LDLRAD2: variants seen among roughly 807,000 people sequenced by gnomAD.
LDLRAD2 encodes low density lipoprotein receptor class A domain containing 2.
In LDLRAD2, 25 loss-of-function variants were observed where a neutral mutation model predicts 24.9. The observed-to-expected ratio is 1.00, with a 90% confidence interval of 0.73 to 1.40. The LOEUF (loss-of-function observed/expected upper bound fraction) is 1.40, where lower values mean the gene tolerates loss of function less well. Among genes scored for constraint, LDLRAD2 ranks in the 40% most tolerant of loss-of-function variants. LDLRAD2 has a pLI of 0.00. For missense variants in LDLRAD2, 391 were observed against 366.2 expected (o/e 1.07, Z -0.55); for synonymous variants, 182 against 166.7 (o/e 1.09, Z -0.71).
intron 3 of LDLRAD2, among the ~76,000 whole-genome samples, chr1:21,818,876 C>A (rs1198706939): frequency 7.5e-6 from 1 of 132,828 alleles, no homozygotes; most frequent in Non-Finnish European, 1.6e-5. Flanking sequence ...CCCCGCCCCC[C>A]GCCCCACCCC....
chr1:21,812,440 A>C lies in LDLRAD2; in HGVS notation c.-12A>C, dbSNP rs1484211743. ...GTGGGTCTGCCCCATTGCTGGGCAC[A>C]GCAGAGCCTGGATGGAGGCTTGTTG... is the stretch of plus-strand genomic sequence containing the variant. On this transcript the variant is annotated 5_prime_UTR_variant, in exon 1 of 5. Transcript: ENST00000344642. 9.3e-6 allele frequency: 15 copies of C among 1,612,566 alleles called. No individual in the cohort carries two copies. The highest frequency in any genetic ancestry group is 9.3e-6 in the Non-Finnish European group (11 of 1,178,782).
chr1:21,817,541 G>C (rs746946839), intron 3 of LDLRAD2, among the ~76,000 whole-genome samples: 1 of 152,060 alleles, frequency 6.6e-6, no homozygotes, highest in Non-Finnish European at 1.5e-5. Context: ...AGGTCTCACT[G>C]TATTGCAAGG....
chr1:21,814,303 G>C, intron 1 of LDLRAD2, 95 bp from the exon 2 acceptor site: 2 of 1,001,890 alleles, frequency 2.0e-6, no homozygotes, highest in South Asian at 1.7e-5. Context: ...CTCAGAGAGG[G>C]CGAGTAACTC....
chr1:21,819,766 C>T (rs1457575598), intron 3 of LDLRAD2, among the ~76,000 whole-genome samples: 1 of 151,890 alleles, frequency 6.6e-6, no homozygotes, highest in African/African-American at 2.4e-5. Context: ...AGTCCATTCT[C>T]GCATTGCTAT....
At chr1:21,814,150 G>T (rs1352818766) in intron 1 of LDLRAD2, among the ~76,000 whole-genome samples, 1 of 152,180 alleles carries the variant, frequency 6.6e-6, no homozygotes, top group Admixed American at 6.5e-5. Flanking sequence ...GATTACAGGC[G>T]TGAGCCACTG....
rs760393137 is a variant in LDLRAD2, at chr1:21,824,747, C to T, written c.*2532C>T. ...CCAGGGAAGGCGAGGAAGCCATCAT[C>T]GTGGAAATAGGCTCCGTACTGCCCA... On this transcript the variant is annotated 3_prime_UTR_variant, in exon 5 of 5. Coordinates refer to ENST00000344642, the MANE Select transcript of LDLRAD2 (RefSeq NM_001013693.3). This position sits in a 1 kb window ranked among gnomAD's most constrained non-coding sequence, Gnocchi z 5.9. The T allele has an allele frequency of 8.1e-6, 13 of 1,613,432 alleles. No homozygotes were observed. Among genetic ancestry groups the T allele is most frequent in the East Asian group, 6.7e-5 (3 of 44,900 alleles).
In LDLRAD2 at chr1:21,824,827, A is replaced by G. The variant is rs1296369421; in HGVS notation, c.*2612A>G. 1.3e-5 allele frequency: 20 copies of G among 1,535,960 alleles called. No individual in the cohort carries two copies. The highest frequency in any genetic ancestry group is 1.7e-5 in the Non-Finnish European group (19 of 1,122,598). On this transcript the variant is annotated 3_prime_UTR_variant, in exon 5 of 5. Coordinates refer to ENST00000344642, the MANE Select transcript of LDLRAD2 (RefSeq NM_001013693.3). This position sits in a 1 kb window ranked among gnomAD's most constrained non-coding sequence, Gnocchi z 5.9. ...GCCATACCTGCTGCATCAGGCATCA[A>G]AATCCCCCGTCAGTTCCCCTGACCC...
Position 21,823,162 on chromosome 1 carries a change from G to T in LDLRAD2, c.*947G>T. 2 of 710,034 alleles carry T rather than the reference G, an allele frequency of 2.8e-6. No homozygotes were observed. The highest frequency in any genetic ancestry group is 4.3e-6 in the Non-Finnish European group (2 of 465,662). The allele number at this position is 710,034 out of a possible 1,614,324, so 44.0% of individuals were successfully genotyped here. On this transcript the variant is annotated 3_prime_UTR_variant, in exon 5 of 5. Transcript: ENST00000344642. ...TTTGCCCAGCTGTGTGTGTGAGGGT[G>T]GCATGCCCACCTCCAGTCCAGCCCA...
rs142915200 is a variant in LDLRAD2 at position 21,817,326 on chromosome 1, C to G, written c.643+1252C>G. 3.5e-3 allele frequency among the ~76,000 whole-genome samples: 528 copies of G among 152,224 alleles called. 2 individuals are homozygous for G. Among genetic ancestry groups the G allele is most frequent in the Non-Finnish European group, 6.5e-3 (440 of 68,002 alleles). On this transcript the variant is annotated intron_variant, in intron 3 of 4. Transcript: ENST00000344642. ...CTGGGGGAGCCTTCTTTTTCTTTTT[C>G]TTTTTTTCAAATGAACTTACTTATT...
Position 21,825,111 on chromosome 1 carries a change from A to C in LDLRAD2, c.*2896A>C. 2 of 392,124 alleles carry C rather than the reference A, an allele frequency of 5.1e-6. No homozygotes were observed. The highest frequency in any genetic ancestry group is 9.7e-6 in the Non-Finnish European group (2 of 206,732). The allele number at this position is 392,124 out of a possible 1,614,324, so 24.3% of individuals were successfully genotyped here. Reference sequence around the variant, plus strand: ...TGACAGTAGCTGCAAATATTTCAAAATATCATTTACACATATTGCTGCTTT... The same window carrying C: ...TGACAGTAGCTGCAAATATTTCAAACTATCATTTACACATATTGCTGCTTT... On this transcript the variant is annotated 3_prime_UTR_variant, in exon 5 of 5. Transcript: ENST00000344642.
At chr1:21,815,454 A>G (rs1220902560) in intron 2 of LDLRAD2, among the ~76,000 whole-genome samples, 1 of 152,172 alleles carries the variant, frequency 6.6e-6, no homozygotes, top group Non-Finnish European at 1.5e-5. Context: ...AACTCAAGCC[A>G]GGAAAGGGCC....
At chr1:21,815,886 T>G (rs1256289141) in intron 2 of LDLRAD2, 57 bp from the exon 3 acceptor site, 1 of 1,597,362 alleles carries the variant, frequency 6.3e-7, no homozygotes, top group African/African-American at 1.3e-5. Context: ...CCACACATCC[T>G]GCTGTGTCGT....
chr1:21,814,718 C>T lies in LDLRAD2; in HGVS notation c.406C>T (p.Pro136Ser). ...LGSPLCGLNI[P>S]VPVASSGPFL... ...GTCCCCACTGTGCGGCCTGAACATC[C>T]CGGTGCCTGTGGCATCCTCCGGACC... The change falls in exon 2 of 5, where the codon CCG (proline) becomes TCG (serine). Residue 136 changes from proline (P) to serine (S), a missense_variant. Physicochemically the swap from Pro to Ser is moderately conservative, Grantham distance 74. Coordinates refer to ENST00000344642, the MANE Select transcript of LDLRAD2 (RefSeq NM_001013693.3). 1 of 1,557,612 alleles carries T rather than the reference C, an allele frequency of 6.4e-7. No homozygotes were observed. The highest frequency in any genetic ancestry group is 2.0e-5 in the Admixed American group (1 of 50,548).
Position 21,822,558 on chromosome 1 carries a change from G to A in LDLRAD2, c.*343G>A, listed in dbSNP as rs562153453. ...TCCAGATGGGTGGGGATGTGGCCTG[G>A]GGTGGGCGGGGCCCGGTGGGCGGGG... On this transcript the variant is annotated 3_prime_UTR_variant, in exon 5 of 5. Transcript: ENST00000344642. 1.1e-4 allele frequency: 38 copies of A among 357,646 alleles called. 1 individual carries two copies. Among genetic ancestry groups the A allele is most frequent in the Non-Finnish European group, 2.0e-4 (37 of 187,614 alleles). 22.2% of individuals were successfully genotyped at this position (357,646 alleles called of 1,614,324 possible).
chr1:21,821,339 T>C, intron 3 of LDLRAD2, 111 bp from the exon 4 acceptor site: 1 of 1,409,430 alleles, frequency 7.1e-7, no homozygotes, highest in Non-Finnish European at 9.8e-7. Flanking sequence ...CTCTGTAAAA[T>C]GGAAACACAG....
In LDLRAD2 at chr1:21,824,219, G is replaced by T. The variant is rs1220119984; in HGVS notation, c.*2004G>T. 1 of 1,613,720 alleles carries T rather than the reference G, an allele frequency of 6.2e-7. No homozygotes were observed. Among genetic ancestry groups the T allele is most frequent in the East Asian group, 2.2e-5 (1 of 44,868 alleles). On this transcript the variant is annotated 3_prime_UTR_variant, in exon 5 of 5. Coordinates refer to ENST00000344642, the MANE Select transcript of LDLRAD2 (RefSeq NM_001013693.3). The surrounding 1 kb of genome is among the most constrained non-coding windows in gnomAD (Gnocchi z 5.9). ...CCAGCTGGTACCTGCAGTCATCCAGGCCCAAGAAGTATGAGCTGGGGCAGG... is the reference window on the plus strand; with the variant it reads ...CCAGCTGGTACCTGCAGTCATCCAGTCCCAAGAAGTATGAGCTGGGGCAGG...
chr1:21,823,481 G>A lies in LDLRAD2; in HGVS notation c.*1266G>A, dbSNP rs1263243391. 1 of 1,601,206 alleles carries A rather than the reference G, an allele frequency of 6.2e-7. No homozygotes were observed. Among genetic ancestry groups the A allele is most frequent in the Non-Finnish European group, 8.5e-7 (1 of 1,177,686 alleles). ...CCCCGGTCAGCGTGGCCACGTCAGG[G>A]GCTCCGCCTGCCGGGAGGTGAGAGG... On this transcript the variant is annotated 3_prime_UTR_variant, in exon 5 of 5. Transcript: ENST00000344642.
chr1:21,820,939 T>C (rs2097950732), intron 3 of LDLRAD2, among the ~76,000 whole-genome samples: 1 of 152,170 alleles, frequency 6.6e-6, no homozygotes, highest in African/African-American at 2.4e-5. Context: ...GGCTCACGCC[T>C]GGAATCCCAG....
rs553050913 is a variant in LDLRAD2 at position 21,818,546 on chromosome 1, T to G, written c.643+2472T>G. On this transcript the variant is annotated intron_variant, in intron 3 of 4. Coordinates refer to ENST00000344642, the MANE Select transcript of LDLRAD2 (RefSeq NM_001013693.3). ...ACATCACATCACACCAAACATGACTTTGGTGTTGGGTGTTTGGTGTTGGAC... is the reference window on the plus strand; with the variant it reads ...ACATCACATCACACCAAACATGACTGTGGTGTTGGGTGTTTGGTGTTGGAC... Among the ~76,000 whole-genome samples, 126 of 152,234 alleles carry G rather than the reference T, an allele frequency of 8.3e-4. 1 individual carries two copies. The highest frequency in any genetic ancestry group is 3.0e-3 in the African/African-American group (125 of 41,546).
Sources: gnomAD v4.1 joint callset for allele counts (sites outside exome capture counted in the v4.1 genomes callset) on GRCh38, gnomAD v4.1.1 for gene constraint, Gnocchi (gnomAD v3.1) non-coding constraint, MANE v1.5 for transcripts, NCBI Gene and HGNC (gene_info 2026-07-23, HGNC 2026-07-21) for gene names.